PDE4D: variants seen among roughly 807,000 people sequenced by gnomAD.
The protein encoded by PDE4D is phosphodiesterase 4D, also known as 3',5'-cyclic-AMP phosphodiesterase 4D.
Under a neutral mutation model 87.4 loss-of-function variants are expected in PDE4D, and 24 were observed. The observed-to-expected ratio is 0.27, with a 90% CI of 0.20 to 0.39. The LOEUF is 0.39. PDE4D is among the 10% of genes least tolerant of loss of function. PDE4D has a pLI of 1.00. For synonymous variants in PDE4D, 384 were observed against 383.2 expected (o/e 1.00, Z -0.02); for missense variants, 714 against 1,041.0 (o/e 0.69, Z 4.32).
At chr5:60,296,037 G>A (rs779474694) in intron 1 of PDE4D, among the ~76,000 whole-genome samples, 3 of 152,104 alleles carry the variant, frequency 2.0e-5, no homozygotes, top group Admixed American at 6.6e-5. Context: ...AAGAGTTAAC[G>A]GAGATCCCTA....
At chr5:59,955,341 C>A (rs955001284) in intron 3 of PDE4D, among the ~76,000 whole-genome samples, 7 of 152,176 alleles carry the variant, frequency 4.6e-5, no homozygotes, top group African/African-American at 1.7e-4. Flanking sequence ...AGGTATTTCC[C>A]TCAGGCAATA....
chr5:60,308,497 T>C (rs952543262), intron 1 of PDE4D, among the ~76,000 whole-genome samples: 3 of 152,114 alleles, frequency 2.0e-5, no homozygotes, highest in African/African-American at 7.2e-5. Context: ...AAACCAATAA[T>C]AACAAATCTT....
chr5:58,995,042 A>C (rs1748893868), intron 6 of PDE4D, among the ~76,000 whole-genome samples: 1 of 151,758 alleles, frequency 6.6e-6, no homozygotes, highest in African/African-American at 2.4e-5. Context: ...TGCTGGGGAA[A>C]AAACAAACAA....
chr5:60,054,165 C>T (rs1429347596), intron 2 of PDE4D, among the ~76,000 whole-genome samples: 3 of 152,066 alleles, frequency 2.0e-5, no homozygotes, highest in African/African-American at 7.2e-5. Flanking sequence ...CACCATTTGA[C>T]CCAGCAATCC....
chr5:59,708,907 T>G (rs1387886741), intron 1 of PDE4D, among the ~76,000 whole-genome samples: 1 of 145,172 alleles, frequency 6.9e-6, no homozygotes, highest in Admixed American at 6.9e-5. Context: ...TCATCTGGCT[T>G]TTTTTTTTTT....
intron 2 of PDE4D, among the ~76,000 whole-genome samples, chr5:60,155,745 T>C (rs1259671695): frequency 6.6e-6 from 1 of 152,176 alleles, no homozygotes; most frequent in East Asian, 1.9e-4. Context: ...GTTTCCTCTA[T>C]CTCAACACCC....
At chr5:60,509,328 T>G (rs750606940) in intron 1 of PDE4D, among the ~76,000 whole-genome samples, 2 of 152,192 alleles carry the variant, frequency 1.3e-5, no homozygotes, top group Non-Finnish European at 2.9e-5. Flanking sequence ...TGGCTGAGCA[T>G]CCCTTGTTCA....
intron 1 of PDE4D, among the ~76,000 whole-genome samples, chr5:59,557,094 C>G (rs1819072126): frequency 6.6e-6 from 1 of 152,114 alleles, no homozygotes; most frequent in Non-Finnish European, 1.5e-5. Context: ...AAACTTTTTG[C>G]AGCCAAGAAG....
chr5:59,304,846 T>G (rs1017848258), intron 1 of PDE4D, among the ~76,000 whole-genome samples: 1 of 152,108 alleles, frequency 6.6e-6, no homozygotes, highest in Non-Finnish European at 1.5e-5. Flanking sequence ...AGGATATTGA[T>G]CTGTAGTTTT....
chr5:59,442,962 T>C (rs75258620), intron 1 of PDE4D, among the ~76,000 whole-genome samples: 17,434 of 152,142 alleles, frequency 0.11, 1,072 homozygotes, highest in Middle Eastern at 0.13. Flanking sequence ...CATTAAAAAG[T>C]CAATCACTTA....
intron 2 of PDE4D, among the ~76,000 whole-genome samples, chr5:59,992,189 C>A (rs541766543): frequency 1.3e-4 from 20 of 152,294 alleles, no homozygotes; most frequent in African/African-American, 4.8e-4. Context: ...GGCCTTGAGC[C>A]ACAGACTGAA....
chr5:59,466,425 G>A (rs1033567052), intron 1 of PDE4D, among the ~76,000 whole-genome samples: 3 of 151,664 alleles, frequency 2.0e-5, no homozygotes, highest in African/African-American at 7.2e-5. Context: ...TCTGTGGTAT[G>A]AGGCTGGGTT....
chr5:59,643,612 T>C (rs1288144781), intron 1 of PDE4D, among the ~76,000 whole-genome samples: 1 of 152,190 alleles, frequency 6.6e-6, no homozygotes, highest in African/African-American at 2.4e-5. Flanking sequence ...AAGAAAAAAA[T>C]GTATGGTGAA....
chr5:59,546,652 T>C (rs996339090), intron 1 of PDE4D, among the ~76,000 whole-genome samples: 5 of 152,098 alleles, frequency 3.3e-5, no homozygotes, highest in African/African-American at 1.2e-4. Context: ...TCACATCTTT[T>C]ACCTAGAAAG....
intron 1 of PDE4D, among the ~76,000 whole-genome samples, chr5:59,538,416 T>G (rs1334931852): frequency 6.6e-6 from 1 of 152,202 alleles, no homozygotes; most frequent in Non-Finnish European, 1.5e-5. Context: ...AACTCACTCC[T>G]CTTGCTGGAC....
chr5:59,534,227 A>C (rs1202528226), intron 1 of PDE4D, among the ~76,000 whole-genome samples: 1 of 152,238 alleles, frequency 6.6e-6, no homozygotes, highest in Non-Finnish European at 1.5e-5. Context: ...CAACCCAAAA[A>C]AAGCAAAATC....
At chr5:60,000,679 T>A (rs1226904117) in intron 2 of PDE4D, among the ~76,000 whole-genome samples, 1 of 152,214 alleles carries the variant, frequency 6.6e-6, no homozygotes, top group Non-Finnish European at 1.5e-5. Flanking sequence ...GTGCATAAAT[T>A]ATTTTTAACT....
rs376789929 is a variant in PDE4D at position 59,814,263 on chromosome 5, C to T, written c.455+78905G>A. Among the ~76,000 whole-genome samples, 367 of 152,302 alleles carry T rather than the reference C, an allele frequency of 2.4e-3. 3 individuals carry two copies. Among genetic ancestry groups the T allele is most frequent in the African/African-American group, 8.1e-3 (338 of 41,566 alleles). On this transcript the variant is annotated intron_variant, in intron 1 of 14. Coordinates refer to ENST00000340635, the MANE Select transcript of PDE4D (RefSeq NM_001104631.2). Reference sequence around the variant, plus strand: ...TTTGTTTACTTATTGTCTGTGGCTGCTTGCATGCTGCATCAGTCAAGTAGT... The same window carrying T: ...TTTGTTTACTTATTGTCTGTGGCTGTTTGCATGCTGCATCAGTCAAGTAGT...
In PDE4D at chr5:59,243,448, C is replaced by CTTTTT. The variant is rs767287011; in HGVS notation, c.456-27485_456-27481dup. Among the ~76,000 whole-genome samples the CTTTTT allele has an allele frequency of 1.1e-3, 80 of 72,304 alleles. 11 individuals carry two copies. Among genetic ancestry groups the CTTTTT allele is most frequent in the African/African-American group, 3.3e-3 (53 of 16,054 alleles). 47.4% of individuals were successfully genotyped at this position (72,304 alleles called of 152,430 possible). A position where few individuals can be genotyped will look rare whatever the true frequency, so the allele number is the denominator to read the frequency against. Reference sequence around the variant, plus strand: ...TCACTATACAATTTCTTAAAATAACCTTTTTTTTTTTTTTTTTTTTTTTTT... The same window carrying CTTTTT: ...TCACTATACAATTTCTTAAAATAACCTTTTTTTTTTTTTTTTTTTTTTTTTTTTTT... On this transcript the variant is annotated intron_variant, in intron 1 of 14. Coordinates refer to ENST00000340635, the MANE Select transcript of PDE4D (RefSeq NM_001104631.2).
Sources: gnomAD v4.1 joint callset for allele counts (sites outside exome capture counted in the v4.1 genomes callset) on GRCh38, gnomAD v4.1.1 for gene constraint, MANE v1.5 for transcripts, NCBI Gene and HGNC (gene_info 2026-07-23, HGNC 2026-07-21) for gene names.